Variants in SLC22A25 observed in about 807,000 individuals in gnomAD.
SLC22A25 encodes the protein solute carrier family 22 member 25.
SLC22A25 carries 44 observed loss-of-function variants against 45.9 expected under a neutral mutation model. The ratio of observed to expected loss-of-function variants is 0.96; its 90% CI spans 0.75 to 1.23. SLC22A25 has a LOEUF of 1.23. Among genes scored for constraint, SLC22A25 ranks in the 50% most tolerant of loss-of-function variants. The pLI is 0.00. For missense variants in SLC22A25, 800 were observed against 666.4 expected (o/e 1.20, Z -2.21); for synonymous variants, 283 against 238.6 (o/e 1.19, Z -1.72).
chr11:63,242,358 T>A, intron 1 of SLC22A25, among the ~76,000 whole-genome samples: 1 of 152,186 alleles, frequency 6.6e-6, no homozygotes, highest in Non-Finnish European at 1.5e-5. Flanking sequence ...TAGGATAGCG[T>A]CTTTATCAAG....
intron 7 of SLC22A25, among the ~76,000 whole-genome samples, chr11:63,212,738 C>T (rs1408180029): frequency 1.3e-5 from 2 of 151,594 alleles, no homozygotes; most frequent in African/African-American, 4.9e-5. Flanking sequence ...ACCAACATGG[C>T]TTATGTATAC....
rs556090322 is a variant in SLC22A25 at position 63,183,986 on chromosome 11, G to T, written c.831-169C>A. ...TGTGCCATCACCAGGAAAATGTAAGGGTGACTCTCTGTGCAGTACACATTC... is the reference window on the plus strand; with the variant it reads ...TGTGCCATCACCAGGAAAATGTAAGTGTGACTCTCTGTGCAGTACACATTC... On this transcript the variant is annotated intron_variant, in intron 7 of 11. Transcript: ENST00000306494. 2.6e-5 allele frequency among the ~76,000 whole-genome samples: 4 copies of T among 152,156 alleles called. No homozygotes were observed. The South Asian group carries it at 6.2e-4, about 24-fold the overall frequency.
intron 1 of SLC22A25, among the ~76,000 whole-genome samples, chr11:63,241,042 T>C (rs2134866817): frequency 6.6e-6 from 1 of 152,380 alleles, no homozygotes; most frequent in Non-Finnish European, 1.5e-5. Context: ...ACATTCATGC[T>C]ATCTTGTCAT....
chr11:63,167,850 A>G (rs1311032663), intron 9 of SLC22A25: 1 of 241,986 alleles, frequency 4.1e-6, no homozygotes, highest in African/African-American at 2.4e-5. Flanking sequence ...TGGGTCACTA[A>G]CACCTGTGCC....
At chr11:63,189,779 G>A (rs960328766) in intron 7 of SLC22A25, among the ~76,000 whole-genome samples, 2 of 152,148 alleles carry the variant, frequency 1.3e-5, no homozygotes, top group African/African-American at 4.8e-5. Flanking sequence ...GTGTGTAAAG[G>A]ATTTTATTTC....
chr11:63,202,123 T>C (rs757060871), intron 7 of SLC22A25, among the ~76,000 whole-genome samples: 3 of 152,156 alleles, frequency 2.0e-5, no homozygotes, highest in Admixed American at 6.6e-5. Flanking sequence ...CCAGATACTA[T>C]GCTTTTCACA....
chr11:63,181,612 C>G (rs2088326626), intron 8 of SLC22A25, among the ~76,000 whole-genome samples: 1 of 152,028 alleles, frequency 6.6e-6, no homozygotes, highest in South Asian at 2.1e-4. Context: ...TCCACATACC[C>G]TAAGTTGTCT....
intron 1 of SLC22A25, 102 bp downstream of exon 1, chr11:63,243,332 G>C (rs2090283098): frequency 9.7e-6 from 5 of 517,384 alleles, no homozygotes; most frequent in Non-Finnish European, 1.8e-5. Flanking sequence ...AACCATTTGG[G>C]ATGGAAAAGC....
intron 9 of SLC22A25, among the ~76,000 whole-genome samples, chr11:63,177,099 A>G (rs1286486315): frequency 6.6e-6 from 1 of 152,062 alleles, no homozygotes. Flanking sequence ...CTGTGGGAAA[A>G]CAAACCAAAG....
In SLC22A25 at chr11:63,216,907, C is replaced by T. The variant is rs534732130; in HGVS notation, c.830+407G>A. ...ATGATTTTTTTAGTATAAGCATGTCCCATGAGATATTTTGGATATCATTAC... is the reference window on the plus strand; with the variant it reads ...ATGATTTTTTTAGTATAAGCATGTCTCATGAGATATTTTGGATATCATTAC... On this transcript the variant is annotated intron_variant, in intron 7 of 11. Transcript: ENST00000306494. Among the ~76,000 whole-genome samples the T allele has an allele frequency of 4.6e-5, 7 of 152,088 alleles. No individual in the cohort carries two copies. The South Asian group carries it at 1.5e-3, about 32-fold the overall frequency.
chr11:63,217,251 T>C lies in SLC22A25; in HGVS notation c.830+63A>G, dbSNP rs201857188. On this transcript the variant is annotated intron_variant, in intron 7 of 11. Coordinates refer to ENST00000306494, the MANE Select transcript of SLC22A25 (RefSeq NM_199352.6). ...AGAGGATCAAATGGAATTCATGTCC[T>C]CATTCCATGTACATCTGCATTCAAG... 679 of 1,543,622 alleles carry C rather than the reference T, an allele frequency of 4.4e-4. 5 individuals carry two copies. In the African/African-American group the frequency reaches 8.1e-3, roughly 18 times the overall value.
In SLC22A25 at chr11:63,219,978, C is replaced by T. The variant is rs535423053; in HGVS notation, c.507-2243G>A. ...ATGGCAATGGGCACCTCAAGTCCCT[C>T]GTCACAATCAGTGGAGACATGGTTG... On this transcript the variant is annotated intron_variant, in intron 5 of 11. Transcript: ENST00000306494. 20 of 1,289,232 alleles carry T rather than the reference C, an allele frequency of 1.6e-5. No homozygotes were observed. The East Asian group carries it at 1.7e-4, about 11-fold the overall frequency. The allele number at this position is 1,289,232 out of a possible 1,614,324, so 79.9% of individuals were successfully genotyped here.
chr11:63,204,854 A>G (rs1300744475), intron 7 of SLC22A25, among the ~76,000 whole-genome samples: 1 of 152,248 alleles, frequency 6.6e-6, no homozygotes, highest in Non-Finnish European at 1.5e-5. Context: ...TAAACAGAAT[A>G]TACATTCTTC....
At chr11:63,220,539 C>T (rs1424946020) in intron 5 of SLC22A25, among the ~76,000 whole-genome samples, 1 of 152,134 alleles carries the variant, frequency 6.6e-6, no homozygotes, top group African/African-American at 2.4e-5. Flanking sequence ...GATTTTGAAA[C>T]AGACATACAA....
rs1429262352 is a variant in SLC22A25, at chr11:63,195,881, G to A, written c.831-12064C>T. On this transcript the variant is annotated intron_variant, in intron 7 of 11. Coordinates refer to ENST00000306494, the MANE Select transcript of SLC22A25 (RefSeq NM_199352.6). ...CAGGACTAATAAAGAAGAAAAGAGAGAAGAATCAAATAGACGCAATAAAAA... is the reference window on the plus strand; with the variant it reads ...CAGGACTAATAAAGAAGAAAAGAGAAAAGAATCAAATAGACGCAATAAAAA... 4.6e-5 allele frequency among the ~76,000 whole-genome samples: 7 copies of A among 152,086 alleles called. No individual in the cohort carries two copies. The South Asian group carries it at 1.5e-3, about 32-fold the overall frequency.
chr11:63,222,768 T>C (rs897542068), intron 5 of SLC22A25, among the ~76,000 whole-genome samples: 3 of 151,814 alleles, frequency 2.0e-5, no homozygotes, highest in Non-Finnish European at 2.9e-5. Flanking sequence ...CTGTCATATA[T>C]GGCTTTTATT....
intron 9 of SLC22A25, chr11:63,166,577 C>A: frequency 2.9e-6 from 3 of 1,034,956 alleles, no homozygotes; most frequent in Admixed American, 5.4e-5. Flanking sequence ...AAAATCACTG[C>A]AAAAAAATTC....
At chr11:63,212,910 TGTTATTCACTGTCCCCATGAGGG>T (rs2089614740) in intron 7 of SLC22A25, among the ~76,000 whole-genome samples, 1 of 152,170 alleles carries the variant, frequency 6.6e-6, no homozygotes. Context: ...ATTGATGATT[TGTTATTCACTGTCCCCATGAGGG>T]AGGAATGCCT....
chr11:63,188,035 G>A (rs2088633056), intron 7 of SLC22A25, among the ~76,000 whole-genome samples: 1 of 152,092 alleles, frequency 6.6e-6, no homozygotes, highest in South Asian at 2.1e-4. Context: ...GCCAGGCTTT[G>A]GTATCAGGAT....
Sources: gnomAD v4.1 joint callset for allele counts (sites outside exome capture counted in the v4.1 genomes callset) on GRCh38, gnomAD v4.1.1 for gene constraint, MANE v1.5 for transcripts, NCBI Gene and HGNC (gene_info 2026-07-23, HGNC 2026-07-21) for gene names.